The following RAI1 variants were observed in gnomAD, a reference collection of about 807,000 sequenced individuals.
The protein encoded by RAI1 is retinoic acid-induced protein 1.
RAI1 carries 9 observed loss-of-function variants against 123.8 expected under a neutral mutation model. The ratio of observed to expected loss-of-function variants is 0.07; its 90% CI spans 0.04 to 0.13. The LOEUF (loss-of-function observed/expected upper bound fraction) is 0.13, where lower values mean the gene tolerates loss of function less well. Ranked by LOEUF, RAI1 falls within the 10% of genes least tolerant of loss-of-function variation. The pLI is 1.00. For synonymous variants in RAI1, 1,231 were observed against 1,127.3 expected (o/e 1.09, Z -1.84); for missense variants, 2,256 against 2,545.8 (o/e 0.89, Z 2.45).
At chr17:17,743,489 G>A (rs926884326) in intron 2 of RAI1, among the ~76,000 whole-genome samples, 3 of 152,214 alleles carry the variant, frequency 2.0e-5, no homozygotes, top group Non-Finnish European at 2.9e-5. Context: ...GAGTGGCAGC[G>A]TCCAGGAGCC....
At chr17:17,734,626 C>T (rs967599617) in intron 2 of RAI1, among the ~76,000 whole-genome samples, 12 of 152,162 alleles carry the variant, frequency 7.9e-5, no homozygotes, top group African/African-American at 2.4e-4. Context: ...CTGAAGGCTC[C>T]AAGAACTTCC....
At chr17:17,763,214 C>T (rs998742389) in intron 2 of RAI1, among the ~76,000 whole-genome samples, 22 of 152,210 alleles carry the variant, frequency 1.4e-4, no homozygotes, top group Non-Finnish European at 2.1e-4. Context: ...GTTTAAGACA[C>T]GCCGCATTTT....
intron 2 of RAI1, among the ~76,000 whole-genome samples, chr17:17,741,225 G>T (rs1916625216): frequency 6.6e-6 from 1 of 152,102 alleles, no homozygotes; most frequent in African/African-American, 2.4e-5. Context: ...AAACCAGGAA[G>T]GTAGCATCTG....
At chr17:17,789,609 G>C (rs970584395) in intron 2 of RAI1, among the ~76,000 whole-genome samples, 1 of 152,200 alleles carries the variant, frequency 6.6e-6, no homozygotes, top group African/African-American at 2.4e-5. Flanking sequence ...TGTGATTCCA[G>C]CTCATGCTCC....
intron 4 of RAI1, among the ~76,000 whole-genome samples, chr17:17,807,518 T>C (rs1462789862): frequency 1.3e-5 from 2 of 152,352 alleles, no homozygotes; most frequent in Non-Finnish European, 2.9e-5. Context: ...CACAGTGTCC[T>C]GTCTCAACCT....
chr17:17,689,996 C>T (rs1914782246), intron 1 of RAI1, among the ~76,000 whole-genome samples: 1 of 152,126 alleles, frequency 6.6e-6, no homozygotes, highest in South Asian at 2.1e-4. Flanking sequence ...CTCTGCTTGA[C>T]TGTTGGGGCC....
chr17:17,768,410 C>G (rs2031019682), intron 2 of RAI1, among the ~76,000 whole-genome samples: 2 of 152,206 alleles, frequency 1.3e-5, no homozygotes, highest in Admixed American at 6.5e-5. Flanking sequence ...GGATTAATCC[C>G]TAGGGCAGAC....
chr17:17,730,628 C>G (rs1916238636), intron 2 of RAI1, among the ~76,000 whole-genome samples: 1 of 152,238 alleles, frequency 6.6e-6, no homozygotes, highest in African/African-American at 2.4e-5. Flanking sequence ...ATGCTGCTGC[C>G]CAGTGATCAC....
At chr17:17,764,258 A>G (rs1223045548) in intron 2 of RAI1, among the ~76,000 whole-genome samples, 4 of 152,202 alleles carry the variant, frequency 2.6e-5, no homozygotes, top group African/African-American at 7.2e-5. Context: ...ATTGACTTGC[A>G]TACAGAGAAG....
rs764155710 is a variant in RAI1, at chr17:17,793,965, C to T, written c.1017C>T (p.Ser339=). Residue 339 remains serine (S), a synonymous_variant, in exon 3 of 6, where the codon AGC becomes AGT. Coordinates refer to ENST00000353383, the MANE Select transcript of RAI1 (RefSeq NM_030665.4). ...CAGAGCAGTACTACCAGACCTTCAG[C>T]CCCAGCTCCAGCCACTCACCCGCCC... is the stretch of plus-strand genomic sequence containing the variant. ...RTPEQYYQTF[S]PSSSHSPARS... 1.2e-6 allele frequency: 2 copies of T among 1,613,924 alleles called. No individual in the cohort carries two copies. The highest frequency in any genetic ancestry group is 1.7e-6 in the Non-Finnish European group (2 of 1,180,038).
At chr17:17,805,885 G>T (rs942009627) in intron 4 of RAI1, among the ~76,000 whole-genome samples, 1 of 151,928 alleles carries the variant, frequency 6.6e-6, no homozygotes, top group African/African-American at 2.4e-5. Flanking sequence ...CTTAGCGCCC[G>T]CTCCACTCCC....
At chr17:17,783,547 G>C (rs893968275) in intron 2 of RAI1, among the ~76,000 whole-genome samples, 8 of 152,194 alleles carry the variant, frequency 5.3e-5, no homozygotes, top group African/African-American at 1.9e-4. Context: ...GAGGGGCGGA[G>C]AGGCCGCAAC....
chr17:17,793,227 G>A lies in RAI1; in HGVS notation c.279G>A (p.Gly93=), dbSNP rs370392303. ...TGCCCACACAGCAAGGCCTGCAGGGGAGGCCGGCTTTCCCTGGCTACGGCG... is the reference window on the plus strand; with the variant it reads ...TGCCCACACAGCAAGGCCTGCAGGGAAGGCCGGCTTTCCCTGGCTACGGCG... ...KALPTQQGLQ[G]RPAFPGYGVQ... Residue 93 remains glycine (G), a synonymous_variant, in exon 3 of 6, where the codon GGG becomes GGA. Transcript: ENST00000353383. 1.9e-6 allele frequency: 3 copies of A among 1,611,816 alleles called. No homozygotes were observed. Among genetic ancestry groups the A allele is most frequent in the Non-Finnish European group, 2.5e-6 (3 of 1,179,372 alleles).
At chr17:17,738,496 C>G (rs1365257967) in intron 2 of RAI1, among the ~76,000 whole-genome samples, 3 of 152,152 alleles carry the variant, frequency 2.0e-5, no homozygotes, top group African/African-American at 7.2e-5. Context: ...GTCCCTGCTG[C>G]CCTACACGGC....
Position 17,795,694 on chromosome 17 carries a change from T to A in RAI1, c.2746T>A (p.Ser916Thr), listed in dbSNP as rs2032211451. The A allele has an allele frequency of 3.1e-6, 5 of 1,613,240 alleles. No individual in the cohort carries two copies. The highest frequency in any genetic ancestry group is 4.2e-6 in the Non-Finnish European group (5 of 1,180,000). ...EVLDSKAGWG[S>T]PCHLSGESVI... is the part of the protein sequence containing the mutation. ...GCTGGACTCCAAGGCCGGCTGGGGC[T>A]CTCCGTGCCACCTCTCAGGGGAGTC... The change falls in exon 3 of 6, where the codon TCT becomes ACT. Residue 916 changes from serine to threonine, a missense_variant. Ser to Thr is a moderately conservative substitution (Grantham distance 58). Around this residue, in one of 7 missense-constraint regions of RAI1, gnomAD observed 566 missense variants for 616.0 expected, o/e 0.92. Coordinates refer to ENST00000353383, the MANE Select transcript of RAI1 (RefSeq NM_030665.4). The surrounding 1 kb of genome is among the most constrained non-coding windows in gnomAD (Gnocchi z 5.9).
chr17:17,683,359 A>T (rs1914511793), intron 1 of RAI1, among the ~76,000 whole-genome samples: 1 of 151,936 alleles, frequency 6.6e-6, no homozygotes, highest in Middle Eastern at 3.4e-3. Context: ...CATTCTCCAT[A>T]CAGTCCTCGC....
chr17:17,796,099 G>A lies in RAI1; in HGVS notation c.3151G>A (p.Gly1051Arg), dbSNP rs1199245197. The A allele has an allele frequency of 6.3e-7, 1 of 1,583,076 alleles. No individual in the cohort carries two copies. Among genetic ancestry groups the A allele is most frequent in the Admixed American group, 1.8e-5 (1 of 55,422 alleles). The change falls in exon 3 of 6, where the codon GGG becomes AGG. Residue 1051 changes from glycine to arginine, a missense_variant. Around this residue, in one of 7 missense-constraint regions of RAI1, gnomAD observed 566 missense variants for 616.0 expected, o/e 0.92. Transcript: ENST00000353383. The surrounding 1 kb of genome is among the most constrained non-coding windows in gnomAD (Gnocchi z 5.8). ...AGAPGRGASE[G>R]LPRMCTRSLT... Reference sequence around the variant, plus strand: ...AGCCCCAGGCCGGGGGGCCTCGGAAGGGCTCCCCAGGATGTGTACTCGTTC... The same window carrying A: ...AGCCCCAGGCCGGGGGGCCTCGGAAAGGCTCCCCAGGATGTGTACTCGTTC...
chr17:17,789,855 T>TG (rs1460274946), intron 2 of RAI1, among the ~76,000 whole-genome samples: 3 of 152,146 alleles, frequency 2.0e-5, no homozygotes, highest in Non-Finnish European at 4.4e-5. Context: ...GTCCGGGCAG[T>TG]GTGGTTGAGC....
In RAI1 at chr17:17,685,507, C is replaced by T. The variant is rs1196427779; in HGVS notation, c.-149+3714C>T. Among the ~76,000 whole-genome samples, 1 of 152,146 alleles carries T rather than the reference C, an allele frequency of 6.6e-6. No individual in the cohort carries two copies. On this transcript the variant is annotated intron_variant, in intron 1 of 5. Coordinates refer to ENST00000353383, the MANE Select transcript of RAI1 (RefSeq NM_030665.4). This position sits in a 1 kb window ranked among gnomAD's most constrained non-coding sequence, Gnocchi z 4.0. ...GGCAGAGGGAACACAGTGAGCAGAGCGAGTCTTTGGAAGCTGGAAGGGATG... is the reference window on the plus strand; with the variant it reads ...GGCAGAGGGAACACAGTGAGCAGAGTGAGTCTTTGGAAGCTGGAAGGGATG...
Sources: gnomAD v4.1 joint callset for allele counts (sites outside exome capture counted in the v4.1 genomes callset) on GRCh38, gnomAD v4.1.1 for gene constraint, gnomAD v4.1.1 regional missense constraint, Gnocchi (gnomAD v3.1) non-coding constraint, MANE v1.5 for transcripts, NCBI Gene and HGNC (gene_info 2026-07-23, HGNC 2026-07-21) for gene names.